Variants in MARCHF1 observed in about 807,000 individuals in gnomAD.
The protein encoded by MARCHF1 is membrane associated ring-CH-type finger 1, also known as E3 ubiquitin-protein ligase MARCHF1.
In MARCHF1, 40 loss-of-function variants were observed where a neutral mutation model predicts 54.2. That is an observed-to-expected ratio of 0.74 (90% confidence interval 0.57 to 0.96). MARCHF1 has a LOEUF of 0.96. Among genes scored for constraint, MARCHF1 ranks in the 40% least tolerant of loss-of-function variants. The pLI, the probability that MARCHF1 is intolerant of heterozygous loss-of-function variation, is 0.00. For synonymous variants in MARCHF1, 236 were observed against 236.3 expected (o/e 1.00, Z 0.01); for missense variants, 586 against 656.5 (o/e 0.89, Z 1.17).
At chr4:164,087,247 C>G (rs946340517) in intron 2 of MARCHF1, among the ~76,000 whole-genome samples, 10 of 152,048 alleles carry the variant, frequency 6.6e-5, no homozygotes, top group Non-Finnish European at 1.3e-4. Context: ...TTGCAGGAAT[C>G]ATTTCTTCAA....
At chr4:164,014,290 CT>C (rs1753491236) in intron 2 of MARCHF1, among the ~76,000 whole-genome samples, 3 of 151,630 alleles carry the variant, frequency 2.0e-5, no homozygotes, top group African/African-American at 7.3e-5. Context: ...TCTTTGTTTG[CT>C]TTTTTCCCTT....
intron 1 of MARCHF1, among the ~76,000 whole-genome samples, chr4:164,140,871 T>C (rs750775732): frequency 1.3e-5 from 2 of 152,086 alleles, no homozygotes; most frequent in Non-Finnish European, 2.9e-5. Flanking sequence ...AATCATAACA[T>C]CCTTACTCAA....
intron 1 of MARCHF1, chr4:164,188,265 C>CG (rs1355552036): frequency 2.8e-5 from 8 of 287,252 alleles, no homozygotes; most frequent in Non-Finnish European, 4.8e-5. Context: ...ACAGACCGAC[C>CG]GACCGACTGG....
intron 3 of MARCHF1, among the ~76,000 whole-genome samples, chr4:163,909,582 C>A (rs1425443994): frequency 1.3e-5 from 2 of 152,160 alleles, no homozygotes; most frequent in Non-Finnish European, 2.9e-5. Context: ...AATGCTAAAT[C>A]TCATACTTTT....
intron 2 of MARCHF1, among the ~76,000 whole-genome samples, chr4:164,103,890 G>C (rs1267218882): frequency 7.0e-6 from 1 of 142,628 alleles, no homozygotes; most frequent in Non-Finnish European, 1.5e-5. Context: ...AAGAAAAAAA[G>C]AGAGAAGAAT....
chr4:163,534,719 A>G (rs1000898698), intron 9 of MARCHF1, among the ~76,000 whole-genome samples: 1 of 152,062 alleles, frequency 6.6e-6, no homozygotes, highest in Non-Finnish European at 1.5e-5. Flanking sequence ...GTCGTATACA[A>G]ATGTTTCCAT....
At chr4:163,811,814 AG>A (rs1303896011) in intron 4 of MARCHF1, among the ~76,000 whole-genome samples, 1 of 152,186 alleles carries the variant, frequency 6.6e-6, no homozygotes, top group Non-Finnish European at 1.5e-5. Context: ...ACAACTTAAT[AG>A]AGCTCAGTGT....
intron 1 of MARCHF1, among the ~76,000 whole-genome samples, chr4:164,129,125 T>C (rs1008650205): frequency 1.3e-5 from 2 of 152,192 alleles, no homozygotes; most frequent in African/African-American, 2.4e-5. Context: ...GGAGAAATGA[T>C]GGAGAAGCTG....
intron 1 of MARCHF1, among the ~76,000 whole-genome samples, chr4:164,332,817 C>T (rs2110810364): frequency 6.6e-6 from 1 of 152,130 alleles, no homozygotes; most frequent in Middle Eastern, 3.4e-3. Flanking sequence ...GAAAAAAACA[C>T]ATTAACATAA....
chr4:163,626,990 G>T (rs779036283), intron 5 of MARCHF1, among the ~76,000 whole-genome samples: 3 of 152,120 alleles, frequency 2.0e-5, no homozygotes, highest in Non-Finnish European at 2.9e-5. Context: ...TGATCTGAAA[G>T]AGTCTTTTTG....
chr4:164,236,892 T>A (rs532378126), intron 1 of MARCHF1, among the ~76,000 whole-genome samples: 5 of 152,174 alleles, frequency 3.3e-5, no homozygotes, highest in Non-Finnish European at 7.4e-5. Flanking sequence ...TTCCTAACAA[T>A]GCTTCCTCCA....
Position 163,526,897 on chromosome 4 carries a change from C to T in MARCHF1, c.*1851G>A, listed in dbSNP as rs1044721. On this transcript the variant is annotated 3_prime_UTR_variant, in exon 10 of 10. Transcript: ENST00000514618. Reference sequence around the variant, plus strand: ...GTTTATTTCTAGGAATCAAGACTATCTGGACTCAGTGTCAGCCACTACTAA... The same window carrying T: ...GTTTATTTCTAGGAATCAAGACTATTTGGACTCAGTGTCAGCCACTACTAA... The T allele has an allele frequency of 0.63, 95,854 of 151,700 alleles. 30,513 individuals are homozygous for T. The highest frequency in any genetic ancestry group is 0.72 in the Admixed American group (10,966 of 15,204). 9.4% of individuals were successfully genotyped at this position (151,700 alleles called of 1,614,324 possible). A position where few individuals can be genotyped will look rare whatever the true frequency, so the allele number is the denominator to read the frequency against.
At chr4:164,149,433 G>A (rs938783068) in intron 1 of MARCHF1, among the ~76,000 whole-genome samples, 1 of 152,180 alleles carries the variant, frequency 6.6e-6, no homozygotes, top group African/African-American at 2.4e-5. Context: ...ATTGTTCAGA[G>A]AGTGGAGTAA....
chr4:163,679,895 C>T (rs987335302), intron 5 of MARCHF1, among the ~76,000 whole-genome samples: 1 of 151,962 alleles, frequency 6.6e-6, no homozygotes, highest in Non-Finnish European at 1.5e-5. Context: ...CCACCGCGCC[C>T]GGCCTTTATC....
intron 3 of MARCHF1, among the ~76,000 whole-genome samples, chr4:163,971,036 C>T (rs956248755): frequency 6.6e-6 from 1 of 152,164 alleles, no homozygotes; most frequent in African/African-American, 2.4e-5. Context: ...ATAAGATTTC[C>T]TCATTCTATG....
At chr4:163,822,956 G>T (rs760344883) in intron 4 of MARCHF1, among the ~76,000 whole-genome samples, 4 of 151,870 alleles carry the variant, frequency 2.6e-5, no homozygotes, top group Non-Finnish European at 5.9e-5. Flanking sequence ...TAAGACCATA[G>T]CAGCTTGTTA....
chr4:164,169,614 G>A (rs1730471337), intron 1 of MARCHF1, among the ~76,000 whole-genome samples: 1 of 152,086 alleles, frequency 6.6e-6, no homozygotes, highest in African/African-American at 2.4e-5. Flanking sequence ...CCCCAAAAGA[G>A]AAATATATGT....
intron 3 of MARCHF1, among the ~76,000 whole-genome samples, chr4:163,950,480 G>A (rs981631890): frequency 6.6e-6 from 1 of 152,214 alleles, no homozygotes; most frequent in Non-Finnish European, 1.5e-5. Context: ...AGCAGGGGGC[G>A]GCGGTTGCTT....
intron 4 of MARCHF1, 148 bp downstream of exon 4, chr4:163,853,873 C>G (rs1458313509): frequency 1.8e-6 from 1 of 550,002 alleles, no homozygotes; most frequent in African/African-American, 1.9e-5. Context: ...TACTAACTAA[C>G]CAAATCTATA....
Sources: gnomAD v4.1 joint callset for allele counts (sites outside exome capture counted in the v4.1 genomes callset) on GRCh38, gnomAD v4.1.1 for gene constraint, MANE v1.5 for transcripts, NCBI Gene and HGNC (gene_info 2026-07-23, HGNC 2026-07-21) for gene names.